Variants in KLF8 observed in about 807,000 individuals in gnomAD.
KLF8 encodes Krueppel-like factor 8.
In KLF8, 10 loss-of-function variants were observed where a neutral mutation model predicts 18.2. The observed-to-expected ratio is 0.55, with a 90% CI of 0.34 to 0.93. The LOEUF (loss-of-function observed/expected upper bound fraction) is 0.93, where lower values mean the gene tolerates loss of function less well. KLF8 is among the 40% of genes least tolerant of loss of function. The pLI is 0.02. For missense variants in KLF8, 264 were observed against 277.9 expected (o/e 0.95, Z 0.36); for synonymous variants, 109 against 97.3 (o/e 1.12, Z -0.71).
chrX:56,168,769 T>C, the KLF8 span, among the ~76,000 whole-genome samples: 1 of 110,212 alleles, frequency 9.1e-6, no homozygotes, highest in Admixed American at 9.7e-5. Context: ...GTTCTTGCGA[T>C]AGTTTGCTGA....
At chrX:56,010,765 A>G in the KLF8 span, among the ~76,000 whole-genome samples, 1 of 112,184 alleles carries the variant, frequency 8.9e-6, no homozygotes, top group Admixed American at 9.5e-5. Flanking sequence ...GGATGGAGGA[A>G]AATTTACCAA....
At chrX:55,990,390 G>C in the KLF8 span, among the ~76,000 whole-genome samples, 1 of 111,897 alleles carries the variant, frequency 8.9e-6, no homozygotes, top group African/African-American at 3.3e-5. Context: ...CTGAGATTCT[G>C]GTATGTTGTG....
At chrX:56,036,921 G>A in the KLF8 span, among the ~76,000 whole-genome samples, 3 of 110,847 alleles carry the variant, frequency 2.7e-5, no homozygotes, top group Non-Finnish European at 5.7e-5. Flanking sequence ...AATTTTTAAG[G>A]CAATTGCAAA....
At chrX:56,190,546 G>A in the KLF8 span, among the ~76,000 whole-genome samples, 1 of 111,180 alleles carries the variant, frequency 9.0e-6, no homozygotes, top group Non-Finnish European at 1.9e-5. Context: ...CTTGGCATAA[G>A]TATCATTCTC....
the KLF8 span, among the ~76,000 whole-genome samples, chrX:56,054,513 A>T: frequency 9.0e-6 from 1 of 111,643 alleles, no homozygotes; most frequent in African/African-American, 3.3e-5. Context: ...TGATTACATG[A>T]TTGATTTTAG....
At chrX:55,931,358 ATC>A in the KLF8 span, among the ~76,000 whole-genome samples, 2 of 111,179 alleles carry the variant, frequency 1.8e-5, no homozygotes, top group Admixed American at 1.9e-4. Context: ...GGTTTTTTGT[ATC>A]TCTATCTCTT....
At chrX:56,179,009 A>G in the KLF8 span, among the ~76,000 whole-genome samples, 1 of 111,882 alleles carries the variant, frequency 8.9e-6, no homozygotes, top group East Asian at 2.8e-4. Context: ...AGTTTTTTTC[A>G]ATTCTGTGAA....
At chrX:56,132,107 T>C in the KLF8 span, among the ~76,000 whole-genome samples, 1 of 111,468 alleles carries the variant, frequency 9.0e-6, no homozygotes, top group Non-Finnish European at 1.9e-5. Flanking sequence ...AAAGAAACAA[T>C]GGATTTAAAC....
chrX:56,126,657 A>G, the KLF8 span, among the ~76,000 whole-genome samples: 1 of 110,071 alleles, frequency 9.1e-6, no homozygotes, highest in Non-Finnish European at 1.9e-5. Flanking sequence ...ATTCAGAGCA[A>G]CTTTGCACTT....
chrX:56,243,167 G>A (rs928219750), intron 1 of KLF8: 7 of 511,804 alleles, frequency 1.4e-5, no homozygotes, highest in Middle Eastern at 4.9e-4. Flanking sequence ...AGTGGTCAGC[G>A]GAAACTTGGT....
At chrX:56,059,041 A>G in the KLF8 span, among the ~76,000 whole-genome samples, 356 of 111,979 alleles carry the variant, frequency 3.2e-3, 1 homozygote, top group African/African-American at 0.011. Context: ...AATGATCATC[A>G]TTCTAACTTG....
the KLF8 span, among the ~76,000 whole-genome samples, chrX:56,053,402 G>A: frequency 1.8e-5 from 2 of 111,376 alleles, no homozygotes; most frequent in Admixed American, 1.9e-4. Flanking sequence ...TATGCTGCCA[G>A]CTTCAGTTTG....
the KLF8 span, among the ~76,000 whole-genome samples, chrX:56,131,785 G>A: frequency 2.7e-5 from 3 of 111,621 alleles, no homozygotes; most frequent in African/African-American, 9.8e-5. Context: ...GTAAAAGGGT[G>A]GAAGAAGATA....
the KLF8 span, among the ~76,000 whole-genome samples, chrX:55,944,699 C>T: frequency 0.22 from 24,162 of 110,071 alleles, 5,429 homozygotes; most frequent in African/African-American, 0.69. Flanking sequence ...TTTTTTATTG[C>T]GTCTATTTGA....
chrX:56,036,420 A>G, the KLF8 span, among the ~76,000 whole-genome samples: 3 of 111,969 alleles, frequency 2.7e-5, no homozygotes, highest in Admixed American at 9.5e-5. Context: ...TCCCAGCACC[A>G]TGTATTGAAA....
the KLF8 span, among the ~76,000 whole-genome samples, chrX:56,008,981 C>A: frequency 8.9e-6 from 1 of 111,747 alleles, no homozygotes; most frequent in South Asian, 3.8e-4. Context: ...GCCATGGATG[C>A]CATGGATTAG....
upstream of KLF8, chrX:56,232,292 G>T (rs1239584397): frequency 9.3e-6 from 1 of 107,891 alleles, no homozygotes; most frequent in African/African-American, 3.4e-5. Context: ...TCGGCCCAGG[G>T]CCCCGCCCCA....
the KLF8 span, among the ~76,000 whole-genome samples, chrX:56,119,818 G>T: frequency 1.9e-5 from 2 of 108,034 alleles, no homozygotes; most frequent in African/African-American, 6.7e-5. Flanking sequence ...GACTTCTCCA[G>T]TGTGCCTGCA....
At chrX:56,183,152 C>T in the KLF8 span, among the ~76,000 whole-genome samples, 2 of 112,036 alleles carry the variant, frequency 1.8e-5, no homozygotes, top group African/African-American at 6.5e-5. Context: ...TCATTACCTA[C>T]TCAAGCCTCA....
Sources: allele counts gnomAD v4.1 joint callset (sites outside exome capture counted in the v4.1 genomes callset), GRCh38; gene constraint gnomAD v4.1.1; transcripts MANE v1.5; gene names NCBI Gene and HGNC (gene_info 2026-07-23, HGNC 2026-07-21).